MEIS3: variants seen among roughly 807,000 people sequenced by gnomAD.
MEIS3 encodes the protein homeobox protein Meis3.
A neutral mutation model predicts 51.4 loss-of-function variants in MEIS3; 38 were observed. That is an observed-to-expected ratio of 0.74 (90% CI 0.57 to 0.97). The LOEUF (loss-of-function observed/expected upper bound fraction) is 0.97, where lower values mean the gene tolerates loss of function less well. Ranked by LOEUF, MEIS3 falls within the 50% of genes least tolerant of loss-of-function variation. MEIS3 has a pLI of 0.00. For synonymous variants in MEIS3, 198 were observed against 201.8 expected, an observed-to-expected ratio of 0.98 and a Z score of 0.16; for missense variants, 456 against 502.6, an observed-to-expected ratio of 0.91 and a Z score of 0.89.
chr19:47,406,418 G>A, intron 12 of MEIS3, 42 bp downstream of exon 12: 1 of 1,559,278 alleles, frequency 6.4e-7, no homozygotes, highest in Non-Finnish European at 8.8e-7. Flanking sequence ...GTCTAATGGA[G>A]GTTTGAGAAT....
rs1304909472 is a variant in MEIS3, at chr19:47,419,277, G to A, written c.-196C>T. 2 of 269,900 alleles carry A rather than the reference G, an allele frequency of 7.4e-6. No homozygotes were observed. The highest frequency in any genetic ancestry group is 1.7e-4 in the South Asian group (1 of 5,962). 16.7% of individuals were successfully genotyped at this position (269,900 alleles called of 1,614,324 possible). On this transcript the variant is annotated 5_prime_UTR_variant, in exon 1 of 13. Coordinates refer to ENST00000558555, the MANE Select transcript of MEIS3 (RefSeq NM_001301059.2). ...GGTGGGGACTCCGCGCATGGACCCC[G>A]GCCCCCGCCCCCAGCGGGGGTCACG... is the stretch of plus-strand genomic sequence containing the variant.
intron 6 of MEIS3, among the ~76,000 whole-genome samples, chr19:47,413,341 C>T (rs11673488): frequency 0.54 from 81,764 of 150,360 alleles, 22,989 homozygotes; most frequent in East Asian, 0.67. Flanking sequence ...TGCAGTGAGC[C>T]GAGATCGTGC....
chr19:47,417,434 G>C (rs2122565048), intron 1 of MEIS3, 84 bp from the exon 2 acceptor site: 1 of 1,495,312 alleles, frequency 6.7e-7, no homozygotes, highest in Non-Finnish European at 9.2e-7. Flanking sequence ...CTCTATCCTG[G>C]AACCCAGGAG....
At chr19:47,413,063 G>A (rs1390343281) in intron 6 of MEIS3, among the ~76,000 whole-genome samples, 2 of 151,752 alleles carry the variant, frequency 1.3e-5, no homozygotes, top group East Asian at 1.9e-4. Flanking sequence ...TGTCCTGTTT[G>A]TGACACTGTT....
chr19:47,411,273 C>A (rs1172418282), intron 6 of MEIS3, among the ~76,000 whole-genome samples: 1 of 152,158 alleles, frequency 6.6e-6, no homozygotes, highest in African/African-American at 2.4e-5. Flanking sequence ...GCGCATACAC[C>A]ATGCAGTTCG....
chr19:47,411,883 A>C (rs1030648755), intron 6 of MEIS3, among the ~76,000 whole-genome samples: 5 of 148,570 alleles, frequency 3.4e-5, no homozygotes, highest in Admixed American at 2.0e-4. Context: ...TTGCTCTGTC[A>C]CCTAGGCTGG....
Position 47,409,123 on chromosome 19 carries a change from T to C in MEIS3, c.834A>G (p.Arg278=), listed in dbSNP as rs138882984. ...CCGAGAGGTGCTGGAACAACCAGGC[T>C]CGCATGATGTTGGTGGCCACCTTGG... The part of the protein sequence containing the change: ...IFPKVATNIM[R]AWLFQHLSHP... Residue 278 remains arginine (R), a synonymous_variant, in exon 8 of 13, where the codon CGA becomes CGG. Coordinates refer to ENST00000558555, the MANE Select transcript of MEIS3 (RefSeq NM_001301059.2). 40 of 1,610,022 alleles carry C rather than the reference T, an allele frequency of 2.5e-5. No homozygotes were observed. Among genetic ancestry groups the C allele is most frequent in the African/African-American group, 1.3e-4 (10 of 74,296 alleles).
chr19:47,407,191 G>A, intron 9 of MEIS3, 54 bp from the exon 10 acceptor site: 6 of 1,570,294 alleles, frequency 3.8e-6, no homozygotes, highest in South Asian at 3.5e-5. Flanking sequence ...TGGGAGAGAG[G>A]CCAAGACGAA....
intron 6 of MEIS3, among the ~76,000 whole-genome samples, chr19:47,413,413 T>A (rs531641279): frequency 1.2e-3 from 181 of 148,626 alleles, no homozygotes; most frequent in African/African-American, 4.2e-3. Flanking sequence ...AAAAAAAAAA[T>A]GTCTCCGGGA....
At chr19:47,404,565 C>T (rs923065471) in intron 12 of MEIS3, among the ~76,000 whole-genome samples, 3 of 152,148 alleles carry the variant, frequency 2.0e-5, no homozygotes, top group African/African-American at 7.2e-5. Flanking sequence ...TCCAAGCTCT[C>T]CTGGCCTTGG....
At chr19:47,409,624 G>A in intron 6 of MEIS3, 77 bp from the exon 7 acceptor site, 1 of 993,036 alleles carries the variant, frequency 1.0e-6, no homozygotes, top group Non-Finnish European at 1.6e-6. Context: ...AGCACTTTGG[G>A]AGGCCAAGGC....
upstream of MEIS3, among the ~76,000 whole-genome samples, chr19:47,421,298 G>A (rs1391573174): frequency 1.3e-5 from 2 of 151,984 alleles, no homozygotes; most frequent in African/African-American, 2.4e-5. Context: ...GACCTCATGG[G>A]TCTCCCCAGC....
upstream of MEIS3, among the ~76,000 whole-genome samples, chr19:47,420,848 T>G (rs944307166): frequency 1.2e-4 from 18 of 151,178 alleles, no homozygotes; most frequent in Non-Finnish European, 1.5e-5. Flanking sequence ...CTCCAGTCTT[T>G]CCCTCTGTCT....
At chr19:47,414,674 G>A (rs983404945) in intron 6 of MEIS3, 43 bp downstream of exon 6, 6 of 1,550,568 alleles carry the variant, frequency 3.9e-6, no homozygotes, top group Non-Finnish European at 5.2e-6. Context: ...TCCAGGCACA[G>A]CTGTGGCTGC....
upstream of MEIS3, among the ~76,000 whole-genome samples, chr19:47,419,726 C>T (rs943228361): frequency 6.6e-6 from 1 of 151,260 alleles, no homozygotes; most frequent in African/African-American, 2.4e-5. Flanking sequence ...TCCTCTCCTA[C>T]CCAGGGCTGG....
Position 47,419,197 on chromosome 19 carries a change from A to T in MEIS3, c.-116T>A. 1.4e-6 allele frequency: 1 copy of T among 736,088 alleles called. No homozygotes were observed. Among genetic ancestry groups the T allele is most frequent in the South Asian group, 6.6e-5 (1 of 15,044 alleles). The allele number at this position is 736,088 out of a possible 1,614,324, so 45.6% of individuals were successfully genotyped here. ...GTGTTGACGCCAGGGGGTGGGCAGGAGGCCAGGCGCGCGCCCCCCCACCCC... is the reference window on the plus strand; with the variant it reads ...GTGTTGACGCCAGGGGGTGGGCAGGTGGCCAGGCGCGCGCCCCCCCACCCC... On this transcript the variant is annotated 5_prime_UTR_variant, in exon 1 of 13. Transcript: ENST00000558555.
rs1281172570 is a variant in MEIS3 at position 47,414,874 on chromosome 19, G to A, written c.448-8C>T. 3 of 1,607,810 alleles carry A rather than the reference G, an allele frequency of 1.9e-6. No individual in the cohort carries two copies. Among genetic ancestry groups the A allele is most frequent in the African/African-American group, 1.3e-5 (1 of 74,418 alleles). The stretch of plus-strand genomic sequence containing the variant: ...GTCGCACAGGTCGTGGACCTGGGGG[G>A]GCACCGGGGTACTGGGGGGGGCCAC... On this transcript the variant is annotated splice_region_variant and splice_polypyrimidine_tract_variant and intron_variant, in intron 5 of 12. Coordinates refer to ENST00000558555, the MANE Select transcript of MEIS3 (RefSeq NM_001301059.2).
intron 6 of MEIS3, among the ~76,000 whole-genome samples, chr19:47,410,920 G>C (rs1037729220): frequency 5.3e-5 from 8 of 152,136 alleles, no homozygotes; most frequent in African/African-American, 1.9e-4. Flanking sequence ...AAGTGTCTCA[G>C]GATTCCGAAC....
intron 12 of MEIS3, among the ~76,000 whole-genome samples, chr19:47,405,548 G>A (rs546060346): frequency 1.3e-5 from 2 of 151,984 alleles, no homozygotes; most frequent in East Asian, 3.9e-4. Context: ...ATGTCAGGAT[G>A]GAGTGAGGGC....
Sources: gnomAD v4.1 joint callset for allele counts (sites outside exome capture counted in the v4.1 genomes callset) on GRCh38, gnomAD v4.1.1 for gene constraint, MANE v1.5 for transcripts, NCBI Gene and HGNC (gene_info 2026-07-23, HGNC 2026-07-21) for gene names.